The following MAGI2 variants were observed in gnomAD, a reference collection of about 807,000 sequenced individuals.
The protein encoded by MAGI2 is membrane associated guanylate kinase, WW and PDZ domain containing 2.
MAGI2 carries 35 observed loss-of-function variants against 133.3 expected under a neutral mutation model. That is an observed-to-expected ratio of 0.26 (90% CI 0.20 to 0.35). The LOEUF (loss-of-function observed/expected upper bound fraction) is 0.35, where lower values mean the gene tolerates loss of function less well. Ranked by LOEUF, MAGI2 falls within the 10% of genes least tolerant of loss-of-function variation. The pLI is 1.00. For missense variants in MAGI2, 1,636 were observed against 1,863.4 expected (o/e 0.88, Z 2.25); for synonymous variants, 729 against 710.6 (o/e 1.03, Z -0.41).
At chr7:79,166,230 C>T (rs986526206) in intron 1 of MAGI2, among the ~76,000 whole-genome samples, 31 of 151,984 alleles carry the variant, frequency 2.0e-4, no homozygotes, top group Non-Finnish European at 3.1e-4. Context: ...GATTAGCTTA[C>T]ATCATATAGC....
At chr7:79,198,449 C>T (rs988372925) in intron 1 of MAGI2, among the ~76,000 whole-genome samples, 3 of 151,880 alleles carry the variant, frequency 2.0e-5, no homozygotes, top group African/African-American at 7.3e-5. Flanking sequence ...TTGTTGTTTC[C>T]ACTGCACTTC....
At chr7:78,212,061 A>G (rs1005571552) in intron 10 of MAGI2, among the ~76,000 whole-genome samples, 1 of 152,216 alleles carries the variant, frequency 6.6e-6, no homozygotes, top group South Asian at 2.1e-4. Flanking sequence ...ATTTTCCTGT[A>G]AGTATTTATA....
rs140246426 is a variant in MAGI2 at position 78,651,516 on chromosome 7, C to T, written c.419-24277G>A. Among the ~76,000 whole-genome samples, 628 of 152,014 alleles carry T rather than the reference C, an allele frequency of 4.1e-3. 2 individuals are homozygous for T. Among genetic ancestry groups the T allele is most frequent in the Non-Finnish European group, 5.4e-3 (369 of 67,940 alleles). ...TTTACCCATTGTTTTTACAGTTTAC[C>T]TTATGAAGTAGAGAACTCATAAATG... On this transcript the variant is annotated intron_variant, in intron 2 of 21. Coordinates refer to ENST00000354212, the MANE Select transcript of MAGI2 (RefSeq NM_012301.4).
intron 1 of MAGI2, 77 bp downstream of exon 1, chr7:79,452,943 G>T: frequency 6.9e-7 from 1 of 1,438,946 alleles, no homozygotes. Context: ...TTCAACATGC[G>T]CGGCCACCCT....
intron 2 of MAGI2, among the ~76,000 whole-genome samples, chr7:78,875,598 CAAAT>C (rs1333242721): frequency 1.3e-5 from 2 of 151,996 alleles, no homozygotes; most frequent in Non-Finnish European, 2.9e-5. Flanking sequence ...AACAAAGAAA[CAAAT>C]AAAATAACCC....
intron 6 of MAGI2, among the ~76,000 whole-genome samples, chr7:78,381,372 AC>A (rs1486868491): frequency 1.3e-5 from 2 of 151,878 alleles, no homozygotes; most frequent in East Asian, 3.9e-4. Context: ...AAGAAAAGAA[AC>A]AACATGAGTA....
chr7:78,340,528 C>G (rs1373985023), intron 9 of MAGI2, among the ~76,000 whole-genome samples: 2 of 152,244 alleles, frequency 1.3e-5, no homozygotes, highest in African/African-American at 4.8e-5. Flanking sequence ...GGCCAATATC[C>G]TTGATGAACA....
Position 78,160,088 on chromosome 7 carries a change from T to C in MAGI2, c.2782A>G (p.Asn928Asp). 6.2e-7 allele frequency: 1 copy of C among 1,608,246 alleles called. No homozygotes were observed. Among genetic ancestry groups the C allele is most frequent in the Non-Finnish European group, 8.5e-7 (1 of 1,176,596 alleles). ...TSDVVIHRKE[N>D]EGFGFVIISS... ...ATGATGACAAAGCCGAAGCCCTCAT[T>C]CTCTTTGCGGTGAATGACCACATCA... is the stretch of plus-strand genomic sequence containing the variant. The change falls in exon 16 of 22, where the codon AAT (asparagine) becomes GAT (aspartate). Residue 928 changes from asparagine to aspartate, a missense_variant. This residue lies in a region of MAGI2 where 920 missense variants were observed against 1,093.5 expected (regional missense o/e 0.84). Coordinates refer to ENST00000354212, the MANE Select transcript of MAGI2 (RefSeq NM_012301.4).
chr7:79,221,624 G>T (rs762388465), intron 1 of MAGI2, among the ~76,000 whole-genome samples: 1 of 151,986 alleles, frequency 6.6e-6, no homozygotes, highest in Non-Finnish European at 1.5e-5. Context: ...TCATACTGGG[G>T]AAGGCTTAAA....
At chr7:78,567,085 A>G (rs1801015022) in intron 3 of MAGI2, among the ~76,000 whole-genome samples, 1 of 152,206 alleles carries the variant, frequency 6.6e-6, no homozygotes, top group Non-Finnish European at 1.5e-5. Flanking sequence ...TACAAAAACA[A>G]AGAAACTTTG....
At chr7:79,241,822 T>C (rs1303844830) in intron 1 of MAGI2, among the ~76,000 whole-genome samples, 9 of 152,220 alleles carry the variant, frequency 5.9e-5, no homozygotes, top group African/African-American at 2.4e-5. Flanking sequence ...CTTTGCATTC[T>C]AGTGACTGAC....
At chr7:78,571,463 A>T (rs745323857) in intron 3 of MAGI2, among the ~76,000 whole-genome samples, 7 of 152,182 alleles carry the variant, frequency 4.6e-5, no homozygotes, top group Non-Finnish European at 7.4e-5. Context: ...ATAGCAATTT[A>T]TGCCAGATCA....
chr7:79,438,167 T>C (rs184935657), intron 1 of MAGI2, among the ~76,000 whole-genome samples: 55 of 152,232 alleles, frequency 3.6e-4, no homozygotes, highest in African/African-American at 1.2e-3. Flanking sequence ...GAGCTCTAGA[T>C]ATATGTGACC....
At chr7:79,148,526 T>G (rs1261887146) in intron 1 of MAGI2, among the ~76,000 whole-genome samples, 1 of 152,156 alleles carries the variant, frequency 6.6e-6, no homozygotes, top group Non-Finnish European at 1.5e-5. Context: ...CTCATATATC[T>G]TCTTGTTTGG....
At chr7:78,211,001 C>G (rs1787716321) in intron 10 of MAGI2, among the ~76,000 whole-genome samples, 1 of 152,060 alleles carries the variant, frequency 6.6e-6, no homozygotes. Context: ...ATAAAGCCCT[C>G]CATAAAGAGA....
chr7:79,396,497 C>T (rs901281688), intron 1 of MAGI2, among the ~76,000 whole-genome samples: 2 of 152,122 alleles, frequency 1.3e-5, no homozygotes, highest in Admixed American at 6.6e-5. Flanking sequence ...CTTCTTTAAA[C>T]AACATTTTTA....
At chr7:78,211,123 C>T (rs906162184) in intron 10 of MAGI2, among the ~76,000 whole-genome samples, 1 of 152,076 alleles carries the variant, frequency 6.6e-6, no homozygotes, top group Non-Finnish European at 1.5e-5. Context: ...TTTCATGAGA[C>T]AAGAGAGGGT....
chr7:79,408,717 C>T (rs1182029020), intron 1 of MAGI2, among the ~76,000 whole-genome samples: 2 of 151,876 alleles, frequency 1.3e-5, no homozygotes, highest in Middle Eastern at 6.8e-3. Context: ...TTTTGGATGG[C>T]GTGATTTAGT....
At chr7:78,340,553 C>A (rs183928199) in intron 9 of MAGI2, among the ~76,000 whole-genome samples, 61 of 152,242 alleles carry the variant, frequency 4.0e-4, no homozygotes, top group African/African-American at 1.4e-3. Context: ...TGCAAAAATC[C>A]TCAATAAAAT....
Sources: allele counts gnomAD v4.1 joint callset (sites outside exome capture counted in the v4.1 genomes callset), GRCh38; gene constraint gnomAD v4.1.1; regional missense constraint gnomAD v4.1.1; transcripts MANE v1.5; gene names NCBI Gene and HGNC (gene_info 2026-07-23, HGNC 2026-07-21).